HSPA4L: variants seen among roughly 807,000 people sequenced by gnomAD.
HSPA4L encodes heat shock 70 kDa protein 4L.
A neutral mutation model predicts 100.3 loss-of-function variants in HSPA4L; 48 were observed. The ratio of observed to expected loss-of-function variants is 0.48; its 90% confidence interval spans 0.38 to 0.61. The LOEUF (loss-of-function observed/expected upper bound fraction) is 0.61, where lower values mean the gene tolerates loss of function less well. Ranked by LOEUF, HSPA4L falls within the 20% of genes least tolerant of loss-of-function variation. HSPA4L has a pLI of 0.00. For synonymous variants in HSPA4L, 319 were observed against 328.2 expected (o/e 0.97, Z 0.30); for missense variants, 886 against 988.6 (o/e 0.90, Z 1.39).
At chr4:127,819,507 T>C (rs1733755014) in intron 13 of HSPA4L, among the ~76,000 whole-genome samples, 1 of 152,230 alleles carries the variant, frequency 6.6e-6, no homozygotes, top group South Asian at 2.1e-4. Context: ...GAGATATAGT[T>C]TACATGTCAT....
chr4:127,812,361 A>G (rs979986708), intron 12 of HSPA4L, among the ~76,000 whole-genome samples: 2 of 150,910 alleles, frequency 1.3e-5, no homozygotes, highest in African/African-American at 4.9e-5. Context: ...GTGAGCCGAG[A>G]TCGCACCACT....
chr4:127,785,460 G>A (rs193215161), intron 1 of HSPA4L, among the ~76,000 whole-genome samples: 22 of 149,900 alleles, frequency 1.5e-4, no homozygotes, highest in African/African-American at 4.7e-4. Context: ...TTTTTAAGAC[G>A]TAGTCTTGCT....
At position 127,832,871 on chromosome 4, in the gene HSPA4L, C is replaced by G. The variant is rs1734121330; in HGVS notation, c.2517C>G (p.Asp839Glu). The G allele has an allele frequency of 1.9e-6, 3 of 1,593,446 alleles. No individual in the cohort carries two copies. In the South Asian group the frequency reaches 3.5e-5, roughly 18 times the overall value. Reference sequence around the variant, plus strand: ...AATCCTCTGGAGAGATGGAAGTGGACTAAGTCTTAATTTTACCTTCACATT... The same window carrying G: ...AATCCTCTGGAGAGATGGAAGTGGAGTAAGTCTTAATTTTACCTTCACATT... The part of the protein sequence containing the change: ...HTKSSGEMEV[D>E] Residue 839 changes from aspartate (D) to glutamate (E), a missense_variant, in exon 19 of 19, where the codon GAC (aspartate) becomes GAG (glutamate). Transcript: ENST00000296464.
chr4:127,803,307 G>GTCTA (rs2148785424), intron 6 of HSPA4L, among the ~76,000 whole-genome samples: 1 of 152,126 alleles, frequency 6.6e-6, no homozygotes, highest in African/African-American at 2.4e-5. Context: ...CTTGGTTTTG[G>GTCTA]TCTATCTGTT....
chr4:127,807,563 T>C (rs1733395167), intron 10 of HSPA4L, among the ~76,000 whole-genome samples: 1 of 152,120 alleles, frequency 6.6e-6, no homozygotes, highest in African/African-American at 2.4e-5. Flanking sequence ...CAAGTGTTCC[T>C]TGTCCTATTT....
intron 12 of HSPA4L, among the ~76,000 whole-genome samples, chr4:127,817,348 C>CAA (rs58555235): frequency 1.9e-4 from 27 of 143,832 alleles, no homozygotes; most frequent in African/African-American, 6.6e-4. Context: ...CTTTTAACTA[C>CAA]AAAAAAAAAA....
At chr4:127,791,347 C>A (rs763942447) in intron 1 of HSPA4L, among the ~76,000 whole-genome samples, 3 of 152,134 alleles carry the variant, frequency 2.0e-5, no homozygotes, top group African/African-American at 7.2e-5. Context: ...TACACTAACA[C>A]TAAAGATAGC....
chr4:127,826,448 A>G (rs1215307859), intron 16 of HSPA4L, among the ~76,000 whole-genome samples: 1 of 152,164 alleles, frequency 6.6e-6, no homozygotes, highest in Non-Finnish European at 1.5e-5. Context: ...CATTTAAACT[A>G]TAAAAAGTAT....
chr4:127,837,152 G>T lies in HSPA4L; in HGVS notation c.*4278G>T, dbSNP rs1425631582. The T allele has an allele frequency of 6.6e-6, 1 of 152,202 alleles. No individual in the cohort carries two copies. Among genetic ancestry groups the T allele is most frequent in the Non-Finnish European group, 1.5e-5 (1 of 68,078 alleles). The allele number at this position is 152,202 out of a possible 1,614,324, so 9.4% of individuals were successfully genotyped here. ...AGATGGAGTTTTGCCATGTTGGCCAGCCTGGTCTTGAACTCTTGAACTCCT... is the reference window on the plus strand; with the variant it reads ...AGATGGAGTTTTGCCATGTTGGCCATCCTGGTCTTGAACTCTTGAACTCCT... On this transcript the variant is annotated 3_prime_UTR_variant, in exon 19 of 19. Transcript: ENST00000296464.
At chr4:127,831,745 C>T (rs1331655017) in intron 18 of HSPA4L, among the ~76,000 whole-genome samples, 4 of 151,920 alleles carry the variant, frequency 2.6e-5, no homozygotes, top group Non-Finnish European at 4.4e-5. Flanking sequence ...CCTGAACATA[C>T]ATCTAGAAGG....
chr4:127,801,458 CGTGTGTGTGTGTGTGTGTGTGTGT>C lies in HSPA4L; in HGVS notation c.529+242_529+265del, dbSNP rs33966471. On this transcript the variant is annotated intron_variant, in intron 5 of 18. Coordinates refer to ENST00000296464, the MANE Select transcript of HSPA4L (RefSeq NM_014278.4). ...AAAAAATTTGATATATATAAAAATA[CGTGTGTGTGTGTGTGTGTGTGTGT>C]GTGTGTGTGTGTGTGTGTGTATGTA... 1.3e-3 allele frequency among the ~76,000 whole-genome samples: 183 copies of C among 144,854 alleles called. 1 individual carries two copies. Among genetic ancestry groups the C allele is most frequent in the Non-Finnish European group, 2.3e-3 (155 of 66,466 alleles).
At chr4:127,783,739 T>C in intron 1 of HSPA4L, 1 of 1,422,250 alleles carries the variant, frequency 7.0e-7, no homozygotes, top group Non-Finnish European at 9.6e-7. Flanking sequence ...ACCTTAACTA[T>C]ACTAAAACAA....
intron 1 of HSPA4L, among the ~76,000 whole-genome samples, chr4:127,785,847 A>G (rs1732702102): frequency 6.6e-6 from 1 of 152,242 alleles, no homozygotes; most frequent in Non-Finnish European, 1.5e-5. Context: ...CAGGTTGTTT[A>G]TGATACTTTG....
chr4:127,804,727 T>C (rs192073548), intron 8 of HSPA4L, among the ~76,000 whole-genome samples: 37 of 152,088 alleles, frequency 2.4e-4, no homozygotes, highest in Middle Eastern at 3.4e-3. Context: ...GGGGACATAA[T>C]TGCTTTTTCG....
intron 7 of HSPA4L, 58 bp downstream of exon 7, chr4:127,803,931 C>T (rs1156253420): frequency 8.1e-6 from 13 of 1,604,806 alleles, no homozygotes; most frequent in African/African-American, 1.3e-5. Flanking sequence ...GTTTAGATCA[C>T]GTCTGATTTG....
At chr4:127,793,973 G>T in intron 1 of HSPA4L, 104 bp from the exon 2 acceptor site, 1 of 681,460 alleles carries the variant, frequency 1.5e-6, no homozygotes, top group South Asian at 2.7e-5. Flanking sequence ...ATAATATATG[G>T]TTATATTTCT....
intron 1 of HSPA4L, among the ~76,000 whole-genome samples, chr4:127,786,087 C>T (rs181002339): frequency 1.3e-5 from 2 of 152,224 alleles, no homozygotes; most frequent in East Asian, 1.9e-4. Context: ...CAAATTAAAG[C>T]GTGTGGTAAA....
rs151328982 is a variant in HSPA4L, at chr4:127,811,574, G to C, written c.1516G>C (p.Asp506His). 1.1e-4 allele frequency: 185 copies of C among 1,613,676 alleles called. No homozygotes were observed. Among genetic ancestry groups the C allele is most frequent in the Non-Finnish European group, 1.5e-4 (176 of 1,179,910 alleles). ...AATTGAGAAGCAAAATTTGGAAGGC[G>C]ATCACAGTGATGCTCCAATGGAGAC... Reference protein sequence around the residue: ...SVIEKQNLEGDHSDAPMETET... With the variant: ...SVIEKQNLEGHHSDAPMETET... The change falls in exon 12 of 19, where the codon GAT becomes CAT. Residue 506 changes from aspartate to histidine, a missense_variant. Asp to His is a moderately conservative substitution (Grantham distance 81, BLOSUM62 -1). Coordinates refer to ENST00000296464, the MANE Select transcript of HSPA4L (RefSeq NM_014278.4).
At chr4:127,782,213 CCGGGCCCGGAGCTGGCT>C (rs1279030196), upstream of HSPA4L, 6 of 400,130 alleles carry the variant, frequency 1.5e-5, no homozygotes, top group Admixed American at 1.5e-4. Context: ...CGGCCGAAGT[CCGGGCCCGGAGCTGGCT>C]CGGGCGCGGA....
Sources: gnomAD v4.1 joint callset for allele counts (sites outside exome capture counted in the v4.1 genomes callset) on GRCh38, gnomAD v4.1.1 for gene constraint, MANE v1.5 for transcripts, NCBI Gene and HGNC (gene_info 2026-07-23, HGNC 2026-07-21) for gene names.